Variants in SLC13A2 observed in about 807,000 individuals in gnomAD.
SLC13A2 encodes solute carrier family 13 member 2.
SLC13A2 carries 40 observed loss-of-function variants against 58.5 expected under a neutral mutation model. That is an observed-to-expected ratio of 0.68 (90% CI 0.53 to 0.89). The LOEUF is 0.89. Among genes scored for constraint, SLC13A2 ranks in the 40% least tolerant of loss-of-function variants. The pLI is 0.00. For missense variants in SLC13A2, 694 were observed against 772.6 expected (o/e 0.90, Z 1.21); for synonymous variants, 341 against 331.6 (o/e 1.03, Z -0.31).
In SLC13A2 at chr17:28,489,340, G is replaced by A. The variant is rs1167604537; in HGVS notation, c.229G>A (p.Glu77Lys). The A allele has an allele frequency of 1.8e-5, 28 of 1,585,986 alleles. No homozygotes were observed. The highest frequency in any genetic ancestry group is 3.1e-5 in the African/African-American group (2 of 65,366). The change falls in exon 2 of 12, where the codon GAG becomes AAG. Residue 77 changes from glutamate to lysine, a missense_variant and splice_region_variant. Transcript: ENST00000314669. ...FPMMGIVDAS[E>K]VAVEYLKDSN... ...TATGATGGGCATCGTGGATGCCTCT[G>A]AGGTGAGCCCCATCCATAGGAGAAA...
chr17:28,489,086 A>G lies in SLC13A2; in HGVS notation c.103-128A>G, dbSNP rs984896472. 5.5e-6 allele frequency: 6 copies of G among 1,083,418 alleles called. No homozygotes were observed. In the African/African-American group the frequency reaches 6.3e-5, roughly 11 times the overall value. The allele number at this position is 1,083,418 out of a possible 1,614,324, so 67.1% of individuals were successfully genotyped here. A position where few individuals can be genotyped will look rare whatever the true frequency, so the allele number is the denominator to read the frequency against. On this transcript the variant is annotated intron_variant, in intron 1 of 11. Coordinates refer to ENST00000314669, the MANE Select transcript of SLC13A2 (RefSeq NM_003984.4). ...AATGAGACCTTGGGCTTGGGAATCA[A>G]TGACTGTGGGTTTCACAGGCTCTCC...
In SLC13A2 at chr17:28,490,497, G is replaced by A; in HGVS notation, c.275G>A (p.Gly92Glu). 1 of 1,614,096 alleles carries A rather than the reference G, an allele frequency of 6.2e-7. No homozygotes were observed. Residue 92 changes from glycine (G) to glutamate (E), a missense_variant, in exon 3 of 12, where the codon GGG becomes GAG. Coordinates refer to ENST00000314669, the MANE Select transcript of SLC13A2 (RefSeq NM_003984.4). Reference sequence around the variant, plus strand: ...AAGGACTCCAACCTCCTGTTCTTCGGGGGGCTGCTGGTGGCCATCGCGGTG... The same window carrying A: ...AAGGACTCCAACCTCCTGTTCTTCGAGGGGCTGCTGGTGGCCATCGCGGTG... ...YLKDSNLLFF[G>E]GLLVAIAVEH...
rs368269065 is a variant in SLC13A2, at chr17:28,493,754, G to A, written c.1062G>A (p.Trp354Ter). ...FTREPGFFLG[W>*]GNLAFPNAKG... is the part of the protein sequence containing the mutation. ...GGGAGCCGGGCTTTTTTCTTGGCTG[G>A]GGCAATTTGGCTTTTCCCAATGCCA... The change falls in exon 7 of 12, where the codon TGG becomes TGA. Residue 354 changes from tryptophan (W) to a stop codon, truncating the protein, a stop_gained. Transcript: ENST00000314669. LOFTEE classifies it high-confidence loss of function. 5.6e-6 allele frequency: 9 copies of A among 1,614,050 alleles called. No homozygotes were observed. The highest frequency in any genetic ancestry group is 4.0e-5 in the African/African-American group (3 of 74,932).
At chr17:28,490,095 G>A (rs1275106954) in intron 2 of SLC13A2, among the ~76,000 whole-genome samples, 14 of 152,114 alleles carry the variant, frequency 9.2e-5, no homozygotes. Context: ...CCAGCGAGGT[G>A]AAACCTCATC....
rs1362521081 is a variant in SLC13A2 at position 28,489,996 on chromosome 17, G to A, written c.232-458G>A. Among the ~76,000 whole-genome samples, 11 of 152,352 alleles carry A rather than the reference G, an allele frequency of 7.2e-5. No individual in the cohort carries two copies. In the East Asian group the frequency reaches 1.7e-3, roughly 24 times the overall value. On this transcript the variant is annotated intron_variant, in intron 2 of 11. Coordinates refer to ENST00000314669, the MANE Select transcript of SLC13A2 (RefSeq NM_003984.4). ...TATTAAATGATAGATAATCCAGGCCGGGTGTGGTGGCTCATGCCTGTAATC... is the reference window on the plus strand; with the variant it reads ...TATTAAATGATAGATAATCCAGGCCAGGTGTGGTGGCTCATGCCTGTAATC...
At chr17:28,484,233 T>C (rs1318859122) in intron 1 of SLC13A2, among the ~76,000 whole-genome samples, 3 of 152,202 alleles carry the variant, frequency 2.0e-5, no homozygotes, top group African/African-American at 7.2e-5. Flanking sequence ...ATGAGTGCTA[T>C]GCAGAAGAGG....
chr17:28,481,283 A>G (rs1555601067), intron 1 of SLC13A2, among the ~76,000 whole-genome samples: 2 of 152,206 alleles, frequency 1.3e-5, no homozygotes, highest in Non-Finnish European at 2.9e-5. Context: ...TCAAAAATTC[A>G]TTGTTCCCTT....
intron 7 of SLC13A2, 99 bp downstream of exon 7, chr17:28,493,888 A>T (rs1200397697): frequency 6.7e-7 from 1 of 1,484,402 alleles, no homozygotes; most frequent in East Asian, 2.3e-5. Flanking sequence ...AGGAGGTAAC[A>T]CTTGGTGGGG....
At position 28,490,889 on chromosome 17, in the gene SLC13A2, A is replaced by G; in HGVS notation, c.557A>G (p.Lys186Arg). The change falls in exon 4 of 12, where the codon AAG becomes AGG. Residue 186 changes from lysine to arginine, a missense_variant. Transcript: ENST00000314669. ...GAGCTCCAGGAACCAAGTCCCCAGA[A>G]GGAGGTGACCAAGCTTGGTGAGAAA... Reference protein sequence around the residue: ...TFELQEPSPQKEVTKLDNGQA... With the variant: ...TFELQEPSPQREVTKLDNGQA... The G allele has an allele frequency of 6.2e-7, 1 of 1,613,850 alleles. No individual in the cohort carries two copies.
chr17:28,477,395 C>T (rs12602773), intron 1 of SLC13A2, among the ~76,000 whole-genome samples: 47,578 of 151,248 alleles, frequency 0.31, 10,641 homozygotes, highest in African/African-American at 0.64. Flanking sequence ...GGGGTTTCAC[C>T]GTGTTAGCCA....
In SLC13A2 at chr17:28,493,576, G is replaced by A. The variant is rs782515398; in HGVS notation, c.884G>A (p.Arg295Gln). 1.3e-5 allele frequency: 21 copies of A among 1,602,092 alleles called. No individual in the cohort carries two copies. In the East Asian group the frequency reaches 2.5e-4, roughly 19 times the overall value. Residue 295 changes from arginine (R) to glutamine (Q), a missense_variant, in exon 7 of 12, where the codon CGG becomes CAG. Coordinates refer to ENST00000314669, the MANE Select transcript of SLC13A2 (RefSeq NM_003984.4). ...CCCCGTCCCTCTGCCTGCAGCTTCCGGAAGAACTTTGGCATTGGGGAAAAG... is the reference window on the plus strand; with the variant it reads ...CCCCGTCCCTCTGCCTGCAGCTTCCAGAAGAACTTTGGCATTGGGGAAAAG... Reference protein sequence around the residue: ...LQILFLGFNFRKNFGIGEKMQ... With the variant: ...LQILFLGFNFQKNFGIGEKMQ...
chr17:28,489,225 C>T lies in SLC13A2; in HGVS notation c.114C>T (p.Cys38=), dbSNP rs781897884. Residue 38 remains cysteine (C), a synonymous_variant, in exon 2 of 12, where the codon TGC becomes TGT. Coordinates refer to ENST00000314669, the MANE Select transcript of SLC13A2 (RefSeq NM_003984.4). The part of the protein sequence containing the change: ...PILVPSKEAY[C]AYAIILMALF... ...TCTCCCACCTGCAGGAGGCCTACTG[C>T]GCGTATGCCATCATCCTCATGGCGC... 34 of 1,613,538 alleles carry T rather than the reference C, an allele frequency of 2.1e-5. No homozygotes were observed. The highest frequency in any genetic ancestry group is 4.0e-5 in the African/African-American group (3 of 74,916).
In SLC13A2 at chr17:28,491,451, C is replaced by T. The variant is rs782532527; in HGVS notation, c.589C>T (p.Leu197Phe). 3.7e-6 allele frequency: 6 copies of T among 1,613,650 alleles called. No homozygotes were observed. The South Asian group carries it at 5.5e-5, about 15-fold the overall frequency. Reference protein sequence around the residue: ...EVTKLDNGQALPVTSASSEGR... With the variant: ...EVTKLDNGQAFPVTSASSEGR... ...CTTGTTCCCAGATAATGGGCAGGCCCTCCCTGTCACGTCTGCCTCTTCGGA... is the reference window on the plus strand; with the variant it reads ...CTTGTTCCCAGATAATGGGCAGGCCTTCCCTGTCACGTCTGCCTCTTCGGA... The change falls in exon 5 of 12, where the codon CTC becomes TTC. Residue 197 changes from leucine to phenylalanine, a missense_variant. Coordinates refer to ENST00000314669, the MANE Select transcript of SLC13A2 (RefSeq NM_003984.4).
rs1251440318 is a variant in SLC13A2, at chr17:28,494,726, C to T, written c.1308+214C>T. Among the ~76,000 whole-genome samples the T allele has an allele frequency of 2.0e-5, 3 of 152,132 alleles. No individual in the cohort carries two copies. The highest frequency in any genetic ancestry group is 4.4e-5 in the Non-Finnish European group (3 of 68,016). On this transcript the variant is annotated intron_variant, in intron 9 of 11. Coordinates refer to ENST00000314669, the MANE Select transcript of SLC13A2 (RefSeq NM_003984.4). This position sits in a 1 kb window ranked among gnomAD's most constrained non-coding sequence, Gnocchi z 4.0. ...GCCCTAGGGACCTCTTTGTTCAGTT[C>T]TCAAAGTCCAAGGGAAGGCAGGATT... is the stretch of plus-strand genomic sequence containing the variant.
intron 11 of SLC13A2, 63 bp from the exon 12 acceptor site, chr17:28,497,036 C>G (rs1186310550): frequency 7.1e-6 from 11 of 1,557,264 alleles, no homozygotes; most frequent in Non-Finnish European, 9.6e-6. Context: ...CCCCAAACAC[C>G]TGGGGACTTG....
At position 28,491,460 on chromosome 17, in the gene SLC13A2, A is replaced by G; in HGVS notation, c.598A>G (p.Thr200Ala). Residue 200 changes from threonine to alanine, a missense_variant, in exon 5 of 12, where the codon ACG (threonine) becomes GCG (alanine). Transcript: ENST00000314669. ...KLDNGQALPVTSASSEGRAHL... is the reference protein window; with the variant it reads ...KLDNGQALPVASASSEGRAHL... Reference sequence around the variant, plus strand: ...AGATAATGGGCAGGCCCTCCCTGTCACGTCTGCCTCTTCGGAGGGGAGGGC... The same window carrying G: ...AGATAATGGGCAGGCCCTCCCTGTCGCGTCTGCCTCTTCGGAGGGGAGGGC... 6.2e-7 allele frequency: 1 copy of G among 1,613,626 alleles called. No individual in the cohort carries two copies. Among genetic ancestry groups the G allele is most frequent in the Non-Finnish European group, 8.5e-7 (1 of 1,180,004 alleles).
At position 28,477,412 on chromosome 17, in the gene SLC13A2, T is replaced by C. The variant is rs1555600218; in HGVS notation, c.102+3598T>C. On this transcript the variant is annotated intron_variant, in intron 1 of 11. Coordinates refer to ENST00000314669, the MANE Select transcript of SLC13A2 (RefSeq NM_003984.4). The stretch of plus-strand genomic sequence containing the variant: ...GGTTTCACCGTGTTAGCCAGGATGG[T>C]CTTGATCTCCTGACCTCGTGATCCG... Among the ~76,000 whole-genome samples, 4 of 151,840 alleles carry C rather than the reference T, an allele frequency of 2.6e-5. No homozygotes were observed. In the South Asian group the frequency reaches 8.3e-4, roughly 32 times the overall value.
chr17:28,494,835 A>C lies in SLC13A2; in HGVS notation c.1308+323A>C, dbSNP rs1367949850. Among the ~76,000 whole-genome samples, 1 of 152,152 alleles carries C rather than the reference A, an allele frequency of 6.6e-6. No homozygotes were observed. Among genetic ancestry groups the C allele is most frequent in the Non-Finnish European group, 1.5e-5 (1 of 68,028 alleles). ...CGCTGCCAGAGCACACAGTAGCATC[A>C]GCACCAAAGTAATTGGGGGTTGTGT... On this transcript the variant is annotated intron_variant, in intron 9 of 11. Transcript: ENST00000314669. This position sits in a 1 kb window ranked among gnomAD's most constrained non-coding sequence, Gnocchi z 4.0.
At chr17:28,491,389 A>G (rs782797233) in intron 4 of SLC13A2, 48 bp from the exon 5 acceptor site, 10 of 1,601,070 alleles carry the variant, frequency 6.2e-6, no homozygotes, top group Admixed American at 1.7e-5. Flanking sequence ...CCCGTTCCCC[A>G]GAGCTGGCCC....
Sources: allele counts gnomAD v4.1 joint callset (sites outside exome capture counted in the v4.1 genomes callset), GRCh38; gene constraint gnomAD v4.1.1; non-coding constraint Gnocchi (gnomAD v3.1); transcripts MANE v1.5; gene names NCBI Gene and HGNC (gene_info 2026-07-23, HGNC 2026-07-21).